Variants in PLCB1 observed in about 807,000 individuals in gnomAD.
PLCB1 encodes phospholipase C beta 1, also known as 1-phosphatidylinositol 4,5-bisphosphate phosphodiesterase beta-1.
A neutral mutation model predicts 161.8 loss-of-function variants in PLCB1; 46 were observed. That is an observed-to-expected ratio of 0.28 (90% CI 0.22 to 0.36). PLCB1 has a LOEUF of 0.36. Among genes scored for constraint, PLCB1 ranks in the 10% least tolerant of loss-of-function variants. The pLI is 1.00. For missense variants in PLCB1, 1,016 were observed against 1,472.5 expected (o/e 0.69, Z 5.07); for synonymous variants, 517 against 503.7 (o/e 1.03, Z -0.35).
At chr20:8,593,914 T>G (rs1987238265) in intron 3 of PLCB1, among the ~76,000 whole-genome samples, 1 of 152,122 alleles carries the variant, frequency 6.6e-6, no homozygotes, top group South Asian at 2.1e-4. Context: ...AGGCAGAATC[T>G]TGCTCTGTTA....
Position 8,379,373 on chromosome 20 carries a change from C to T in PLCB1, c.246+7923C>T, listed in dbSNP as rs529154168. Among the ~76,000 whole-genome samples the T allele has an allele frequency of 3.9e-5, 6 of 152,250 alleles. No homozygotes were observed. The South Asian group carries it at 1.2e-3, about 32-fold the overall frequency. On this transcript the variant is annotated intron_variant, in intron 3 of 31. Coordinates refer to ENST00000338037, the MANE Select transcript of PLCB1 (RefSeq NM_015192.4). Reference sequence around the variant, plus strand: ...TCATTGATGGGTGTTTGGGTTGGTTCCCTAACTTTGCTATTGTAAGTAGTG... The same window carrying T: ...TCATTGATGGGTGTTTGGGTTGGTTTCCTAACTTTGCTATTGTAAGTAGTG...
chr20:8,207,738 G>A (rs752048636), intron 2 of PLCB1, among the ~76,000 whole-genome samples: 9 of 151,852 alleles, frequency 5.9e-5, no homozygotes, highest in Non-Finnish European at 1.0e-4. Flanking sequence ...GCACCACAAC[G>A]CCCAACTAAT....
intron 2 of PLCB1, among the ~76,000 whole-genome samples, chr20:8,350,085 CTT>C (rs1986135000): frequency 6.6e-6 from 1 of 152,072 alleles, no homozygotes; most frequent in African/African-American, 2.4e-5. Context: ...AATTTCTTTT[CTT>C]CAACTTTTAT....
At chr20:8,325,817 A>C (rs1012577958) in intron 2 of PLCB1, among the ~76,000 whole-genome samples, 3 of 152,160 alleles carry the variant, frequency 2.0e-5, no homozygotes, top group Non-Finnish European at 4.4e-5. Flanking sequence ...GGTTAGGTGG[A>C]TACTGGAATA....
intron 3 of PLCB1, among the ~76,000 whole-genome samples, chr20:8,378,787 C>G (rs917568487): frequency 3.9e-5 from 6 of 152,142 alleles, no homozygotes; most frequent in African/African-American, 1.4e-4. Context: ...CCTCTCAAAC[C>G]CTGCTTCTGT....
intron 31 of PLCB1, among the ~76,000 whole-genome samples, chr20:8,796,312 A>G (rs1036500869): frequency 1.1e-4 from 17 of 152,284 alleles, no homozygotes; most frequent in Admixed American, 9.8e-4. Flanking sequence ...CTCTGCTTGA[A>G]GTTAGTCTTG....
intron 2 of PLCB1, among the ~76,000 whole-genome samples, chr20:8,296,223 T>A (rs1983623098): frequency 6.6e-6 from 1 of 152,172 alleles, no homozygotes. Context: ...AAGACATACA[T>A]GAGAAACTTA....
At chr20:8,481,103 C>G (rs1220180285) in intron 3 of PLCB1, among the ~76,000 whole-genome samples, 1 of 151,432 alleles carries the variant, frequency 6.6e-6, no homozygotes, top group Non-Finnish European at 1.5e-5. Context: ...AAGACTTAAT[C>G]CCCCTACCCC....
intron 3 of PLCB1, among the ~76,000 whole-genome samples, chr20:8,446,311 A>G (rs1342886753): frequency 2.0e-5 from 3 of 152,340 alleles, no homozygotes; most frequent in African/African-American, 7.2e-5. Flanking sequence ...CAAAAACCAC[A>G]TGACTATCTC....
rs71183102 is a variant in PLCB1 at position 8,589,610 on chromosome 20, C to CTTT, written c.247-38662_247-38660dup. Among the ~76,000 whole-genome samples, 368 of 80,100 alleles carry CTTT rather than the reference C, an allele frequency of 4.6e-3. 1 individual carries two copies. Among genetic ancestry groups the CTTT allele is most frequent in the East Asian group, 8.8e-3 (21 of 2,398 alleles). 52.5% of individuals were successfully genotyped at this position (80,100 alleles called of 152,430 possible). A position where few individuals can be genotyped will look rare whatever the true frequency, so the allele number is the denominator to read the frequency against. ...GGCTCTCTCTGGGGTCAATCTCTCT[C>CTTT]TTTTTTTTTTTTTTTTTTTTTTTTG... is the stretch of plus-strand genomic sequence containing the variant. On this transcript the variant is annotated intron_variant, in intron 3 of 31. Coordinates refer to ENST00000338037, the MANE Select transcript of PLCB1 (RefSeq NM_015192.4).
intron 2 of PLCB1, among the ~76,000 whole-genome samples, chr20:8,217,531 A>G (rs1036071482): frequency 6.6e-6 from 1 of 152,124 alleles, no homozygotes; most frequent in Admixed American, 6.6e-5. Context: ...TGAAAGTGAT[A>G]GGAAGGAATT....
chr20:8,292,653 G>A (rs575423892), intron 2 of PLCB1, among the ~76,000 whole-genome samples: 1 of 151,966 alleles, frequency 6.6e-6, no homozygotes, highest in Non-Finnish European at 1.5e-5. Context: ...TTAAAGAATC[G>A]GTTATGAGAT....
intron 3 of PLCB1, among the ~76,000 whole-genome samples, chr20:8,487,263 T>A (rs1214748644): frequency 6.6e-6 from 1 of 152,224 alleles, no homozygotes; most frequent in Non-Finnish European, 1.5e-5. Context: ...CAAGACATAT[T>A]GGAATAGTTT....
At chr20:8,231,136 G>A (rs1292243980) in intron 2 of PLCB1, among the ~76,000 whole-genome samples, 2 of 152,140 alleles carry the variant, frequency 1.3e-5, no homozygotes, top group African/African-American at 4.8e-5. Context: ...CCACAATTTA[G>A]ATTGTCCCCT....
intron 21 of PLCB1, among the ~76,000 whole-genome samples, chr20:8,739,600 C>G (rs774704158): frequency 6.6e-6 from 1 of 152,148 alleles, no homozygotes; most frequent in Non-Finnish European, 1.5e-5. Flanking sequence ...AAATATTTAT[C>G]TTCGTGCTCA....
At chr20:8,880,506 T>C (rs1241903274) in intron 31 of PLCB1, among the ~76,000 whole-genome samples, 1 of 152,120 alleles carries the variant, frequency 6.6e-6, no homozygotes, top group Non-Finnish European at 1.5e-5. Context: ...AAATAAAAAT[T>C]AGAATGAAAA....
intron 3 of PLCB1, among the ~76,000 whole-genome samples, chr20:8,466,489 AC>A (rs1171067614): frequency 6.6e-6 from 1 of 152,108 alleles, no homozygotes; most frequent in African/African-American, 2.4e-5. Context: ...TTAAAAAAAA[AC>A]AAAAGAGCTG....
At chr20:8,204,603 T>A (rs1033764601) in intron 2 of PLCB1, among the ~76,000 whole-genome samples, 3 of 152,038 alleles carry the variant, frequency 2.0e-5, no homozygotes, top group Non-Finnish European at 4.4e-5. Context: ...TGTGAGATGC[T>A]GGCTTCCCCT....
Position 8,513,400 on chromosome 20 carries a change from A to G in PLCB1, c.247-114894A>G, listed in dbSNP as rs1052892259. On this transcript the variant is annotated intron_variant, in intron 3 of 31. Transcript: ENST00000338037. ...AGCAAAAGCAATCTATGAAGTGACAACACGACACAGTGAACACTGTTTTCA... is the reference window on the plus strand; with the variant it reads ...AGCAAAAGCAATCTATGAAGTGACAGCACGACACAGTGAACACTGTTTTCA... 7.2e-5 allele frequency among the ~76,000 whole-genome samples: 11 copies of G among 152,380 alleles called. 1 individual carries two copies. Among genetic ancestry groups the G allele is most frequent in the Non-Finnish European group, 2.9e-5 (2 of 68,042 alleles).
Sources: gnomAD v4.1 joint callset for allele counts (sites outside exome capture counted in the v4.1 genomes callset) on GRCh38, gnomAD v4.1.1 for gene constraint, MANE v1.5 for transcripts, NCBI Gene and HGNC (gene_info 2026-07-23, HGNC 2026-07-21) for gene names.